The following TNFRSF10B variants were observed in gnomAD, a reference collection of about 807,000 sequenced individuals.
The protein encoded by TNFRSF10B is TNF receptor superfamily member 10b.
A neutral mutation model predicts 41.4 loss-of-function variants in TNFRSF10B; 35 were observed. That is an observed-to-expected ratio of 0.85 (90% CI 0.65 to 1.12). The LOEUF (loss-of-function observed/expected upper bound fraction) is 1.12, where lower values mean the gene tolerates loss of function less well. Ranked by LOEUF, TNFRSF10B falls within the 50% of genes most tolerant of loss-of-function variation. The pLI is 0.00. For synonymous variants in TNFRSF10B, 230 were observed against 215.5 expected (o/e 1.07, Z -0.59); for missense variants, 584 against 552.7 (o/e 1.06, Z -0.57).
At chr8:23,030,135 C>T (rs1811837434) in intron 3 of TNFRSF10B, among the ~76,000 whole-genome samples, 1 of 152,084 alleles carries the variant, frequency 6.6e-6, no homozygotes, top group Admixed American at 6.5e-5. Flanking sequence ...AGGCCGAGCA[C>T]CTGCCAGGAG....
intron 6 of TNFRSF10B, 127 bp downstream of exon 6, chr8:23,027,595 C>G: frequency 7.6e-7 from 1 of 1,314,444 alleles, no homozygotes; most frequent in South Asian, 1.2e-5. Flanking sequence ...CAGCCCAGAG[C>G]ACCCAGGCCA....
At chr8:23,039,987 GT>G (rs975883323) in intron 2 of TNFRSF10B, among the ~76,000 whole-genome samples, 1 of 152,024 alleles carries the variant, frequency 6.6e-6, no homozygotes, top group African/African-American at 2.4e-5. Context: ...GAGGTCAGGA[GT>G]TTGAGACAGC....
At chr8:23,064,743 T>C (rs1006263699) in intron 1 of TNFRSF10B, among the ~76,000 whole-genome samples, 11 of 151,984 alleles carry the variant, frequency 7.2e-5, no homozygotes, top group African/African-American at 2.4e-4. Flanking sequence ...GAGTAACCTC[T>C]TCTTTCCTCT....
intron 1 of TNFRSF10B, among the ~76,000 whole-genome samples, chr8:23,057,578 G>A (rs1245381420): frequency 6.6e-6 from 1 of 151,878 alleles, no homozygotes; most frequent in Non-Finnish European, 1.5e-5. Flanking sequence ...GATTACAGGT[G>A]TATGACACCA....
chr8:23,021,829 G>A lies in TNFRSF10B; in HGVS notation c.*842C>T. On this transcript the variant is annotated 3_prime_UTR_variant, in exon 9 of 9. Transcript: ENST00000276431. ...GGAACCCAGACAGTGACATCTTACA[G>A]GGGACTTCTTCTTCTTCCCCCATTG... The A allele has an allele frequency of 2.2e-6, 1 of 454,102 alleles. No homozygotes were observed. Among genetic ancestry groups the A allele is most frequent in the South Asian group, 1.6e-5 (1 of 64,480 alleles). 28.1% of individuals were successfully genotyped at this position (454,102 alleles called of 1,614,324 possible).
rs529234477 is a variant in TNFRSF10B, at chr8:23,047,772, C to T, written c.145-4529G>A. ...CTGTTGGTGGGAATGTAAATTAGTA[C>T]AGCCATTACAGAAGGCAGTATGGAG... is the stretch of plus-strand genomic sequence containing the variant. On this transcript the variant is annotated intron_variant, in intron 1 of 8. Transcript: ENST00000276431. 2.0e-5 allele frequency among the ~76,000 whole-genome samples: 3 copies of T among 152,320 alleles called. No homozygotes were observed. The South Asian group carries it at 6.2e-4, about 32-fold the overall frequency.
At position 23,040,139 on chromosome 8, in the gene TNFRSF10B, C is replaced by T. The variant is rs560579140; in HGVS notation, c.250+2999G>A. Reference sequence around the variant, plus strand: ...TAGGCTGCAGTGAGCTGAGATCGCACCACTGCACTCCAGCCTGGGTGACAG... The same window carrying T: ...TAGGCTGCAGTGAGCTGAGATCGCATCACTGCACTCCAGCCTGGGTGACAG... On this transcript the variant is annotated intron_variant, in intron 2 of 8. Coordinates refer to ENST00000276431, the MANE Select transcript of TNFRSF10B (RefSeq NM_003842.5). Among the ~76,000 whole-genome samples, 7 of 150,886 alleles carry T rather than the reference C, an allele frequency of 4.6e-5. No individual in the cohort carries two copies. The South Asian group carries it at 1.5e-3, about 31-fold the overall frequency.
chr8:23,065,971 AAAAC>A (rs1052701262), intron 1 of TNFRSF10B, among the ~76,000 whole-genome samples: 7 of 152,302 alleles, frequency 4.6e-5, no homozygotes, highest in South Asian at 2.1e-4. Flanking sequence ...AAAAAACAGA[AAAAC>A]AAAAAACACC....
At chr8:23,041,619 A>AAC (rs1230667781) in intron 2 of TNFRSF10B, among the ~76,000 whole-genome samples, 1 of 152,066 alleles carries the variant, frequency 6.6e-6, no homozygotes, top group Non-Finnish European at 1.5e-5. Context: ...AAAAAAAAAA[A>AAC]AAAACCTAAC....
At chr8:23,057,621 C>G (rs892951434) in intron 1 of TNFRSF10B, among the ~76,000 whole-genome samples, 7 of 151,586 alleles carry the variant, frequency 4.6e-5, no homozygotes, top group Non-Finnish European at 1.5e-5. Flanking sequence ...TTAGTAGAGA[C>G]AAGTTTCTCT....
At chr8:23,029,489 G>T (rs955231011) in intron 4 of TNFRSF10B, 121 bp downstream of exon 4, 104 of 944,940 alleles carry the variant, frequency 1.1e-4, no homozygotes, top group Non-Finnish European at 1.5e-4. Flanking sequence ...GACCAGGAGG[G>T]GCAGCCACAG....
At chr8:23,028,696 G>A (rs1811787136) in intron 4 of TNFRSF10B, 94 bp from the exon 5 acceptor site, 2 of 1,495,402 alleles carry the variant, frequency 1.3e-6, no homozygotes, top group Admixed American at 3.4e-5. Context: ...CAGTGTCCCT[G>A]AGAAGGTGTC....
At chr8:23,028,171 G>T (rs1222329803) in intron 5 of TNFRSF10B, 160 bp downstream of exon 5, 2 of 921,660 alleles carry the variant, frequency 2.2e-6, no homozygotes, top group Non-Finnish European at 3.3e-6. Flanking sequence ...CCTGGGGGGT[G>T]CACGGGATGT....
chr8:23,032,471 A>T (rs1424521745), intron 2 of TNFRSF10B, among the ~76,000 whole-genome samples: 2 of 152,130 alleles, frequency 1.3e-5, no homozygotes, highest in Non-Finnish European at 2.9e-5. Context: ...AGTCCCGCCA[A>T]CTCTGCTTTT....
Position 23,068,651 on chromosome 8 carries a change from C to A in TNFRSF10B, c.144+100G>T. ...TTGCCCGGACATGCCCGGCCGCAGGCGACCCGGGCCACGCACCCCCGCCGT... is the reference window on the plus strand; with the variant it reads ...TTGCCCGGACATGCCCGGCCGCAGGAGACCCGGGCCACGCACCCCCGCCGT... On this transcript the variant is annotated intron_variant, in intron 1 of 8. Coordinates refer to ENST00000276431, the MANE Select transcript of TNFRSF10B (RefSeq NM_003842.5). 10 of 1,478,862 alleles carry A rather than the reference C, an allele frequency of 6.8e-6. No individual in the cohort carries two copies. The South Asian group carries it at 9.0e-5, about 13-fold the overall frequency. The allele number at this position is 1,478,862 out of a possible 1,614,324, so 91.6% of individuals were successfully genotyped here.
intron 1 of TNFRSF10B, among the ~76,000 whole-genome samples, chr8:23,067,920 T>A (rs146979953): frequency 5.4e-4 from 83 of 152,314 alleles, no homozygotes; most frequent in African/African-American, 1.9e-3. Flanking sequence ...GAACCTCTCC[T>A]GGCCCCAAGC....
chr8:23,040,540 G>C (rs1014053488), intron 2 of TNFRSF10B, among the ~76,000 whole-genome samples: 1 of 148,672 alleles, frequency 6.7e-6, no homozygotes. Flanking sequence ...GAGTGAAAAT[G>C]GTACATGCCA....
chr8:23,060,026 T>G lies in TNFRSF10B; in HGVS notation c.144+8725A>C, dbSNP rs12155967. On this transcript the variant is annotated intron_variant, in intron 1 of 8. Coordinates refer to ENST00000276431, the MANE Select transcript of TNFRSF10B (RefSeq NM_003842.5). ...TTAGATCGTAGGAATTCTTTATATA[T>G]TTTAGATATTAAGCCCTTATCAGAT... Among the ~76,000 whole-genome samples, 1,211 of 152,348 alleles carry G rather than the reference T, an allele frequency of 7.9e-3. 13 individuals are homozygous for G. The highest frequency in any genetic ancestry group is 0.014 in the Middle Eastern group (4 of 294).
In TNFRSF10B at chr8:23,021,673, T is replaced by C. The variant is rs1811526365; in HGVS notation, c.*998A>G. 2 of 454,004 alleles carry C rather than the reference T, an allele frequency of 4.4e-6. No individual in the cohort carries two copies. The highest frequency in any genetic ancestry group is 1.4e-4 in the East Asian group (2 of 14,412). The allele number at this position is 454,004 out of a possible 1,614,324, so 28.1% of individuals were successfully genotyped here. ...GGACTTCACGTGGATCCAGTTCTCT[T>C]TGGTCCCGACTCATATGTAAACAAC... is the stretch of plus-strand genomic sequence containing the variant. On this transcript the variant is annotated 3_prime_UTR_variant, in exon 9 of 9. Coordinates refer to ENST00000276431, the MANE Select transcript of TNFRSF10B (RefSeq NM_003842.5).
Sources: gnomAD v4.1 joint callset for allele counts (sites outside exome capture counted in the v4.1 genomes callset) on GRCh38, gnomAD v4.1.1 for gene constraint, MANE v1.5 for transcripts, NCBI Gene and HGNC (gene_info 2026-07-23, HGNC 2026-07-21) for gene names.